HIPK2: variants seen among roughly 807,000 people sequenced by gnomAD.
HIPK2 encodes the protein homeodomain-interacting protein kinase 2.
HIPK2 carries 27 observed loss-of-function variants against 113.7 expected under a neutral mutation model. The observed-to-expected ratio is 0.24, with a 90% confidence interval of 0.17 to 0.33. The LOEUF (loss-of-function observed/expected upper bound fraction) is 0.33, where lower values mean the gene tolerates loss of function less well. HIPK2 is among the 10% of genes least tolerant of loss of function. HIPK2 has a pLI of 1.00. For missense variants in HIPK2, 1,257 were observed against 1,588.0 expected (o/e 0.79, Z 3.54); for synonymous variants, 631 against 642.2 (o/e 0.98, Z 0.26).
intron 2 of HIPK2, among the ~76,000 whole-genome samples, chr7:139,699,310 C>G (rs971685433): frequency 1.3e-4 from 20 of 152,096 alleles, no homozygotes; most frequent in African/African-American, 4.8e-4. Flanking sequence ...ATTTCTATGG[C>G]AAAACAAACT....
At chr7:139,763,511 G>T (rs1260162785) in intron 1 of HIPK2, among the ~76,000 whole-genome samples, 3 of 136,352 alleles carry the variant, frequency 2.2e-5, no homozygotes, top group Non-Finnish European at 4.5e-5. Context: ...CGTGACTCGT[G>T]TATGTATTGT....
intron 2 of HIPK2, among the ~76,000 whole-genome samples, chr7:139,686,690 T>A (rs1794232822): frequency 6.6e-6 from 1 of 152,252 alleles, no homozygotes; most frequent in African/African-American, 2.4e-5. Context: ...CCTGTGAAAC[T>A]GTGAGTCAAT....
chr7:139,638,936 G>A (rs1475321032), intron 2 of HIPK2, among the ~76,000 whole-genome samples: 6 of 152,158 alleles, frequency 3.9e-5, no homozygotes, highest in African/African-American at 1.4e-4. Flanking sequence ...GATTACAGGC[G>A]TGAGCCACCA....
intron 2 of HIPK2, among the ~76,000 whole-genome samples, chr7:139,695,514 G>A (rs1794536175): frequency 6.6e-6 from 1 of 152,200 alleles, no homozygotes. Context: ...CTTGAGAATA[G>A]AAGTAGATAT....
chr7:139,636,435 A>G (rs1295239466), intron 2 of HIPK2, among the ~76,000 whole-genome samples: 2 of 152,012 alleles, frequency 1.3e-5, no homozygotes, highest in Non-Finnish European at 2.9e-5. Context: ...ATGTGACTTT[A>G]TTTAGGAATG....
intron 2 of HIPK2, among the ~76,000 whole-genome samples, chr7:139,644,692 GC>G (rs1184214144): frequency 6.6e-6 from 1 of 152,192 alleles, no homozygotes; most frequent in Non-Finnish European, 1.5e-5. Context: ...TTCTGGGAAG[GC>G]CTAACCCAAG....
At chr7:139,763,769 A>G (rs1381063995) in intron 1 of HIPK2, among the ~76,000 whole-genome samples, 5 of 152,224 alleles carry the variant, frequency 3.3e-5, no homozygotes, top group African/African-American at 9.6e-5. Flanking sequence ...TACTCAGAGC[A>G]CTTTTGGTCA....
At chr7:139,654,774 GGC>G (rs1801597733) in intron 2 of HIPK2, among the ~76,000 whole-genome samples, 1 of 152,092 alleles carries the variant, frequency 6.6e-6, no homozygotes, top group African/African-American at 2.4e-5. Flanking sequence ...CTTAAGAAGA[GGC>G]CTGTTCATTA....
intron 10 of HIPK2, among the ~76,000 whole-genome samples, chr7:139,601,229 C>T (rs200183768): frequency 2.0e-5 from 3 of 146,540 alleles, no homozygotes; most frequent in South Asian, 2.1e-4. Flanking sequence ...GGTGACAGAG[C>T]GAGACACTGT....
intron 10 of HIPK2, 74 bp from the exon 11 acceptor site, chr7:139,600,670 C>G: frequency 6.6e-7 from 1 of 1,516,710 alleles, no homozygotes; most frequent in Non-Finnish European, 9.0e-7. Context: ...GATCAAGCTT[C>G]CTCCCCAATT....
At chr7:139,650,477 TTTTA>T (rs776746850) in intron 2 of HIPK2, among the ~76,000 whole-genome samples, 2 of 152,176 alleles carry the variant, frequency 1.3e-5, no homozygotes, top group South Asian at 2.1e-4. Context: ...TTTTTTTTTT[TTTTA>T]AACTATTCTC....
At position 139,716,435 on chromosome 7, in the gene HIPK2, C is replaced by T. The variant is rs773208014; in HGVS notation, c.600G>A (p.Glu200=). The T allele has an allele frequency of 5.6e-6, 9 of 1,613,964 alleles. No homozygotes were observed. In the East Asian group the frequency reaches 2.0e-4, roughly 36 times the overall value. The change falls in exon 2 of 15, where the codon GAG becomes GAA. Residue 200 remains glutamate (E), a synonymous_variant. Transcript: ENST00000406875. This position sits in a 1 kb window ranked among gnomAD's most constrained non-coding sequence, Gnocchi z 9.3. ...EVLCSMTNTY[E]VLEFLGRGTF... ...TCCCTCGGCCCAAGAACTCTAAGAC[C>T]TCGTAGGTGTTGGTCATGGAGCACA...
chr7:139,740,026 C>T (rs1796053885), intron 1 of HIPK2, among the ~76,000 whole-genome samples: 1 of 152,108 alleles, frequency 6.6e-6, no homozygotes, highest in Non-Finnish European at 1.5e-5. Context: ...TGTTTTTATT[C>T]CTCTCGGGTA....
Position 139,574,889 on chromosome 7 carries a change from CATT to C in HIPK2, c.3126+236_3126+238del, listed in dbSNP as rs536517428. The stretch of plus-strand genomic sequence containing the variant: ...CACCATGTCACTAAGGGCTTTGTAA[CATT>C]AGACAAGTCGCTTTGCTTTGGGCCA... On this transcript the variant is annotated intron_variant, in intron 14 of 14. Transcript: ENST00000406875. Among the ~76,000 whole-genome samples, 37 of 152,364 alleles carry C rather than the reference CATT, an allele frequency of 2.4e-4. No homozygotes were observed. The South Asian group carries it at 7.5e-3, about 31-fold the overall frequency.
intron 1 of HIPK2, among the ~76,000 whole-genome samples, chr7:139,721,160 C>T (rs1008174632): frequency 6.6e-6 from 1 of 152,214 alleles, no homozygotes. Flanking sequence ...CTGGACCCAA[C>T]GCTCAGTGCA....
intron 1 of HIPK2, among the ~76,000 whole-genome samples, chr7:139,774,468 T>C (rs1796705706): frequency 6.6e-6 from 1 of 152,226 alleles, no homozygotes; most frequent in African/African-American, 2.4e-5. Context: ...TTTTAAAATA[T>C]AAAACCTAAA....
At chr7:139,651,785 T>C (rs903830072) in intron 2 of HIPK2, among the ~76,000 whole-genome samples, 2 of 152,246 alleles carry the variant, frequency 1.3e-5, no homozygotes, top group African/African-American at 2.4e-5. Flanking sequence ...TTACAAGGAA[T>C]GTAAAATGAT....
intron 2 of HIPK2, among the ~76,000 whole-genome samples, chr7:139,690,609 G>A (rs115507993): frequency 0.024 from 3,612 of 152,066 alleles, 150 homozygotes; most frequent in African/African-American, 0.083. Context: ...CCAGGAGTTC[G>A]AGACCAGCCT....
At chr7:139,735,492 A>G (rs553470172) in intron 1 of HIPK2, among the ~76,000 whole-genome samples, 1 of 152,364 alleles carries the variant, frequency 6.6e-6, no homozygotes, top group Non-Finnish European at 1.5e-5. Context: ...GGACAGAGTG[A>G]GCAGCATCCA....
Sources: allele counts gnomAD v4.1 joint callset (sites outside exome capture counted in the v4.1 genomes callset), GRCh38; gene constraint gnomAD v4.1.1; non-coding constraint Gnocchi (gnomAD v3.1); transcripts MANE v1.5; gene names NCBI Gene and HGNC (gene_info 2026-07-23, HGNC 2026-07-21).